FGGY: variants seen among roughly 807,000 people sequenced by gnomAD.
FGGY encodes FGGY carbohydrate kinase domain-containing protein.
FGGY carries 72 observed loss-of-function variants against 71.3 expected under a neutral mutation model. The ratio of observed to expected loss-of-function variants is 1.01; its 90% CI spans 0.84 to 1.23. The LOEUF (loss-of-function observed/expected upper bound fraction) is 1.23. Among genes scored for constraint, FGGY ranks in the 50% most tolerant of loss-of-function variants. The probability of loss-of-function intolerance (pLI) is 0.00; values close to 1 mark genes in which losing one functional copy is unlikely to be tolerated. For synonymous variants in FGGY, 251 were observed against 250.3 expected, an observed-to-expected ratio of 1.00 and a Z score of -0.02; for missense variants, 668 against 682.3, an observed-to-expected ratio of 0.98 and a Z score of 0.23.
intron 5 of FGGY, among the ~76,000 whole-genome samples, chr1:59,399,989 A>G (rs1198453149): frequency 2.6e-5 from 4 of 152,190 alleles, no homozygotes; most frequent in African/African-American, 9.7e-5. Context: ...TCTGTTCTCA[A>G]AGTTGTTGAG....
At chr1:59,630,115 G>T (rs1038705026) in intron 10 of FGGY, among the ~76,000 whole-genome samples, 11 of 152,066 alleles carry the variant, frequency 7.2e-5, no homozygotes, top group African/African-American at 2.4e-4. Flanking sequence ...TGAGCAAAAG[G>T]AGGAAAAGCC....
intron 14 of FGGY, among the ~76,000 whole-genome samples, chr1:59,722,816 T>C (rs2097908815): frequency 6.6e-6 from 1 of 152,202 alleles, no homozygotes; most frequent in Non-Finnish European, 1.5e-5. Context: ...GTTTTGTCTG[T>C]GTGACGGAGT....
intron 14 of FGGY, among the ~76,000 whole-genome samples, chr1:59,695,213 TG>T (rs1245344765): frequency 6.6e-6 from 1 of 152,176 alleles, no homozygotes; most frequent in Non-Finnish European, 1.5e-5. Flanking sequence ...AGAGTTCTGG[TG>T]GGCCTACTGG....
At chr1:59,632,337 T>A (rs1181260295) in intron 10 of FGGY, among the ~76,000 whole-genome samples, 1 of 152,226 alleles carries the variant, frequency 6.6e-6, no homozygotes, top group Non-Finnish European at 1.5e-5. Flanking sequence ...GTTGTCTTTG[T>A]TGTGCTAGTG....
intron 12 of FGGY, among the ~76,000 whole-genome samples, chr1:59,663,710 G>C (rs777034010): frequency 6.6e-6 from 1 of 152,106 alleles, no homozygotes; most frequent in Non-Finnish European, 1.5e-5. Context: ...GTGGAGTCAA[G>C]TGAATTGTGA....
intron 7 of FGGY, among the ~76,000 whole-genome samples, chr1:59,521,412 TTGACTC>T (rs1359772096): frequency 4.6e-5 from 7 of 152,154 alleles, no homozygotes; most frequent in Admixed American, 3.9e-4. Context: ...AGACCAGACT[TTGACTC>T]TGTGGAAGAA....
chr1:59,467,848 T>C (rs1411756529), intron 6 of FGGY, among the ~76,000 whole-genome samples: 1 of 152,196 alleles, frequency 6.6e-6, no homozygotes, highest in Non-Finnish European at 1.5e-5. Context: ...GGATTTGATT[T>C]TTTTTAAGTC....
intron 14 of FGGY, among the ~76,000 whole-genome samples, chr1:59,733,461 GTTTTTTTGTTTTGTTT>G (rs1183438522): frequency 2.8e-5 from 4 of 144,980 alleles, no homozygotes; most frequent in African/African-American, 1.1e-4. Context: ...GTTTTGTTTT[GTTTTTTTGTTTTGTTT>G]TGTTTTTTAA....
At chr1:59,354,588 T>C (rs2053925832) in intron 4 of FGGY, among the ~76,000 whole-genome samples, 1 of 152,172 alleles carries the variant, frequency 6.6e-6, no homozygotes, top group Non-Finnish European at 1.5e-5. Flanking sequence ...AATTTGTGGG[T>C]GATGGCTTCG....
At chr1:59,657,756 A>C (rs2097234513) in intron 11 of FGGY, among the ~76,000 whole-genome samples, 1 of 152,230 alleles carries the variant, frequency 6.6e-6, no homozygotes, top group Admixed American at 6.5e-5. Context: ...CAAAGGCTCT[A>C]TATGAGGTAC....
At chr1:59,692,078 G>A (rs974355958) in intron 14 of FGGY, among the ~76,000 whole-genome samples, 4 of 152,174 alleles carry the variant, frequency 2.6e-5, no homozygotes, top group Non-Finnish European at 5.9e-5. Flanking sequence ...CAGTTGACTG[G>A]AAGAGACAGT....
At chr1:59,692,318 G>A (rs1416367723) in intron 14 of FGGY, among the ~76,000 whole-genome samples, 1 of 152,076 alleles carries the variant, frequency 6.6e-6, no homozygotes, top group African/African-American at 2.4e-5. Flanking sequence ...TCTAAGCTTG[G>A]TGCTGACATC....
chr1:59,375,635 T>G (rs2058538713), intron 4 of FGGY, among the ~76,000 whole-genome samples: 1 of 152,188 alleles, frequency 6.6e-6, no homozygotes, highest in Non-Finnish European at 1.5e-5. Flanking sequence ...GTTATCTCCT[T>G]AGAGAGGAGA....
intron 14 of FGGY, among the ~76,000 whole-genome samples, chr1:59,756,880 A>G (rs605159): frequency 0.052 from 7,755 of 149,322 alleles, 656 homozygotes; most frequent in African/African-American, 0.18. Context: ...GGGCTCTCAT[A>G]TTCTGTATGG....
intron 5 of FGGY, among the ~76,000 whole-genome samples, chr1:59,433,787 T>C (rs570459375): frequency 1.3e-5 from 2 of 152,316 alleles, no homozygotes; most frequent in East Asian, 3.9e-4. Flanking sequence ...TCTAAGCCAG[T>C]GTAGGTTACG....
intron 7 of FGGY, among the ~76,000 whole-genome samples, chr1:59,533,241 G>C (rs1444942367): frequency 6.9e-6 from 1 of 145,310 alleles, no homozygotes; most frequent in Admixed American, 6.8e-5. Flanking sequence ...AAAGAAAGGG[G>C]TGACAGCACC....
chr1:59,597,998 A>G (rs924029393), intron 8 of FGGY, among the ~76,000 whole-genome samples: 1 of 152,248 alleles, frequency 6.6e-6, no homozygotes, highest in Non-Finnish European at 1.5e-5. Context: ...ACTGATGAGT[A>G]TTGTGCAGAT....
At chr1:59,611,274 G>A (rs529200108) in intron 9 of FGGY, among the ~76,000 whole-genome samples, 2 of 152,164 alleles carry the variant, frequency 1.3e-5, no homozygotes, top group South Asian at 2.1e-4. Context: ...AGTAGGGGCC[G>A]ACTGACACCT....
chr1:59,521,015 C>T (rs1042345345), intron 7 of FGGY, among the ~76,000 whole-genome samples: 7 of 96,464 alleles, frequency 7.3e-5, no homozygotes, highest in East Asian at 3.0e-4. Context: ...AAGAGGCAGA[C>T]GGTCTGCAAG....
Sources: allele counts gnomAD v4.1 joint callset (sites outside exome capture counted in the v4.1 genomes callset), GRCh38; gene constraint gnomAD v4.1.1; transcripts MANE v1.5; gene names NCBI Gene and HGNC (gene_info 2026-07-23, HGNC 2026-07-21).